The following SLC25A30 variants were observed in gnomAD, a reference collection of about 807,000 sequenced individuals.
SLC25A30 encodes the protein kidney mitochondrial carrier protein 1.
In SLC25A30, 29 loss-of-function variants were observed where a neutral mutation model predicts 42.7. The ratio of observed to expected loss-of-function variants is 0.68; its 90% CI spans 0.51 to 0.93. The LOEUF (loss-of-function observed/expected upper bound fraction) is 0.93, where lower values mean the gene tolerates loss of function less well. SLC25A30 is among the 40% of genes least tolerant of loss of function. The probability of loss-of-function intolerance (pLI) is 0.00; values close to 1 mark genes in which losing one functional copy is unlikely to be tolerated. For synonymous variants in SLC25A30, 124 were observed against 131.0 expected (o/e 0.95, Z 0.37); for missense variants, 300 against 359.7 (o/e 0.83, Z 1.34).
Position 45,411,498 on chromosome 13 carries a change from A to AT in SLC25A30, c.-55-19dup. ...TGTTTTTCCTGGACACAACAATAAG[A>AT]TATTATCAAGCTGTAACTTCTCACA... On this transcript the variant is annotated intron_variant, in intron 1 of 9. Coordinates refer to ENST00000519676, the MANE Select transcript of SLC25A30 (RefSeq NM_001010875.4). 1.4e-6 allele frequency: 2 copies of AT among 1,469,880 alleles called. No individual in the cohort carries two copies. The highest frequency in any genetic ancestry group is 1.9e-6 in the Non-Finnish European group (2 of 1,055,150). The allele number at this position is 1,469,880 out of a possible 1,614,324, so 91.1% of individuals were successfully genotyped here.
chr13:45,396,261 C>G lies in SLC25A30; in HGVS notation c.835-246G>C. The G allele has an allele frequency of 7.3e-6, 10 of 1,373,062 alleles. No individual in the cohort carries two copies. In the South Asian group the frequency reaches 1.6e-4, roughly 23 times the overall value. 85.1% of individuals were successfully genotyped at this position (1,373,062 alleles called of 1,614,324 possible). ...GTATCAGCCTCTTCTGAGATGGCAT[C>G]TACGCTGATAAGCTTTTGTGGCTTT... On this transcript the variant is annotated intron_variant, in intron 9 of 9. Coordinates refer to ENST00000519676, the MANE Select transcript of SLC25A30 (RefSeq NM_001010875.4).
chr13:45,395,863 A>C lies in SLC25A30; in HGVS notation c.*111T>G. ...AACCCAGTCTTCATCTGTTGCTCAC[A>C]TCCCAGAATCTGTGATGAGCCAAGC... On this transcript the variant is annotated 3_prime_UTR_variant, in exon 10 of 10. Coordinates refer to ENST00000519676, the MANE Select transcript of SLC25A30 (RefSeq NM_001010875.4). The C allele has an allele frequency of 6.2e-7, 1 of 1,605,452 alleles. No individual in the cohort carries two copies. The highest frequency in any genetic ancestry group is 8.5e-7 in the Non-Finnish European group (1 of 1,175,646).
intron 1 of SLC25A30, among the ~76,000 whole-genome samples, chr13:45,413,612 TG>T (rs762181985): frequency 6.6e-6 from 1 of 150,378 alleles, no homozygotes; most frequent in Non-Finnish European, 1.5e-5. Context: ...TGGAATGCAA[TG>T]GCTCAATCTC....
chr13:45,431,871 A>G, the SLC25A30 span, among the ~76,000 whole-genome samples: 1 of 152,246 alleles, frequency 6.6e-6, no homozygotes, highest in African/African-American at 2.4e-5. Flanking sequence ...AAATGTCACC[A>G]TCAGCTATTT....
At chr13:45,426,652 C>G in the SLC25A30 span, among the ~76,000 whole-genome samples, 6 of 152,054 alleles carry the variant, frequency 3.9e-5, no homozygotes, top group Admixed American at 6.6e-5. Context: ...CCATTTGTAG[C>G]AGAAGCAACT....
At chr13:45,398,162 T>C (rs1213784918) in intron 8 of SLC25A30, 2 of 431,158 alleles carry the variant, frequency 4.6e-6, no homozygotes, top group Non-Finnish European at 6.2e-6. Flanking sequence ...TGCAGCAACA[T>C]GGATGGAGCT....
At chr13:45,408,891 G>A in intron 3 of SLC25A30, 36 bp downstream of exon 3, 2 of 1,572,456 alleles carry the variant, frequency 1.3e-6, no homozygotes, top group Non-Finnish European at 8.6e-7. Context: ...GTGAAACAGT[G>A]AACAGTGACA....
At chr13:45,423,451 G>C (rs1452033539), upstream of SLC25A30, among the ~76,000 whole-genome samples, 4 of 141,250 alleles carry the variant, frequency 2.8e-5, no homozygotes, top group Admixed American at 2.3e-4. Flanking sequence ...GCAAATTATG[G>C]TCCATGGACC....
chr13:45,413,643 C>CT (rs1883219271), intron 1 of SLC25A30, among the ~76,000 whole-genome samples: 1 of 152,126 alleles, frequency 6.6e-6, no homozygotes, highest in African/African-American at 2.4e-5. Context: ...CAACCTCCAC[C>CT]TCCCAGGTTC....
the SLC25A30 span, among the ~76,000 whole-genome samples, chr13:45,423,566 T>C: frequency 4.0e-5 from 4 of 100,538 alleles, no homozygotes; most frequent in African/African-American, 1.5e-4. Flanking sequence ...AAAAAATATA[T>C]AAATATATAT....
chr13:45,404,572 A>G (rs1882318149), intron 4 of SLC25A30, among the ~76,000 whole-genome samples, 160 bp from the exon 5 acceptor site: 1 of 152,220 alleles, frequency 6.6e-6, no homozygotes, highest in Non-Finnish European at 1.5e-5. Context: ...TAATCCCAGC[A>G]CTTTGGGATA....
intron 6 of SLC25A30, 143 bp from the exon 7 acceptor site, chr13:45,401,350 C>A: frequency 1.3e-6 from 1 of 792,556 alleles, no homozygotes; most frequent in Non-Finnish European, 2.0e-6. Context: ...AGTGACAGAG[C>A]GGAAAAGATC....
the SLC25A30 span, among the ~76,000 whole-genome samples, chr13:45,430,234 TAGTG>T: frequency 4.0e-5 from 6 of 148,342 alleles, no homozygotes; most frequent in Admixed American, 3.3e-4. Context: ...AATGAAATGA[TAGTG>T]AGAAACTGTG....
At chr13:45,414,134 C>T (rs549510790) in intron 1 of SLC25A30, among the ~76,000 whole-genome samples, 5 of 152,236 alleles carry the variant, frequency 3.3e-5, no homozygotes, top group Admixed American at 2.0e-4. Context: ...TATTCAATTA[C>T]GATTTTTAAA....
chr13:45,421,665 C>T (rs1566219673), upstream of SLC25A30, among the ~76,000 whole-genome samples: 1 of 152,128 alleles, frequency 6.6e-6, no homozygotes, highest in Non-Finnish European at 1.5e-5. Context: ...AAAATGGAAA[C>T]AATACCCTCC....
At chr13:45,400,452 G>C (rs1410424665) in intron 7 of SLC25A30, among the ~76,000 whole-genome samples, 2 of 152,086 alleles carry the variant, frequency 1.3e-5, no homozygotes, top group Non-Finnish European at 2.9e-5. Context: ...CGTAAGTACT[G>C]ACACGAAGTC....
chr13:45,424,139 A>AAG, the SLC25A30 span, among the ~76,000 whole-genome samples: 346 of 76,394 alleles, frequency 4.5e-3, 2 homozygotes, highest in African/African-American at 0.018. Context: ...ATATAAATAT[A>AAG]TAAATATAAG....
the SLC25A30 span, among the ~76,000 whole-genome samples, chr13:45,425,222 G>T: frequency 1.0e-5 from 1 of 99,282 alleles, no homozygotes; most frequent in African/African-American, 4.2e-5. Context: ...ATATACGTAT[G>T]TATATAAATA....
At chr13:45,403,075 C>T (rs975521428) in intron 5 of SLC25A30, among the ~76,000 whole-genome samples, 10 of 152,124 alleles carry the variant, frequency 6.6e-5, no homozygotes, top group African/African-American at 1.7e-4. Flanking sequence ...GCCACACGAA[C>T]GTGGGAAAAT....
Sources: allele counts gnomAD v4.1 joint callset (sites outside exome capture counted in the v4.1 genomes callset), GRCh38; gene constraint gnomAD v4.1.1; transcripts MANE v1.5; gene names NCBI Gene and HGNC (gene_info 2026-07-23, HGNC 2026-07-21).